Variants in PLCXD3 observed in about 807,000 individuals in gnomAD.
PLCXD3 encodes PI-PLC X domain-containing protein 3.
PLCXD3 carries 19 observed loss-of-function variants against 25.5 expected under a neutral mutation model. The ratio of observed to expected loss-of-function variants is 0.75; its 90% CI spans 0.52 to 1.09. PLCXD3 has a LOEUF of 1.09. Among genes scored for constraint, PLCXD3 ranks in the 50% least tolerant of loss-of-function variants. The pLI is 0.00. For synonymous variants in PLCXD3, 174 were observed against 137.6 expected (o/e 1.26, Z -1.85); for missense variants, 411 against 388.1 (o/e 1.06, Z -0.50).
Position 41,400,049 on chromosome 5 carries a change from AAAAGAAGGCATAC to A in PLCXD3, c.104-17528_104-17516del, listed in dbSNP as rs1229995072. Among the ~76,000 whole-genome samples the A allele has an allele frequency of 7.2e-5, 11 of 152,306 alleles. No homozygotes were observed. In the East Asian group the frequency reaches 2.1e-3, roughly 29 times the overall value. On this transcript the variant is annotated intron_variant, in intron 1 of 2. Coordinates refer to ENST00000377801, the MANE Select transcript of PLCXD3 (RefSeq NM_001005473.3). Reference sequence around the variant, plus strand: ...CAAAAGAGCTGAATAGACACTTCTCAAAAGAAGGCATACAAAGACAAACAGGCATGTGAACAGA... The same window carrying A: ...CAAAAGAGCTGAATAGACACTTCTCAAAAGACAAACAGGCATGTGAACAGA...
intron 1 of PLCXD3, among the ~76,000 whole-genome samples, chr5:41,484,565 T>G (rs897371913): frequency 1.3e-5 from 2 of 152,140 alleles, no homozygotes; most frequent in African/African-American, 4.8e-5. Context: ...ATAAAATATC[T>G]AAATGGTAAG....
chr5:41,416,913 A>G (rs1434244688), intron 1 of PLCXD3, among the ~76,000 whole-genome samples: 1 of 152,180 alleles, frequency 6.6e-6, no homozygotes, highest in Non-Finnish European at 1.5e-5. Flanking sequence ...ACCAGGAATG[A>G]GATACCAATT....
chr5:41,425,605 C>T (rs897067759), intron 1 of PLCXD3, among the ~76,000 whole-genome samples: 23 of 152,102 alleles, frequency 1.5e-4, no homozygotes, highest in African/African-American at 5.6e-4. Flanking sequence ...GTTTTACTGC[C>T]CTAAAAATCC....
At chr5:41,315,394 G>A (rs116137126) in intron 2 of PLCXD3, among the ~76,000 whole-genome samples, 220 of 151,582 alleles carry the variant, frequency 1.5e-3, no homozygotes, top group African/African-American at 5.2e-3. Flanking sequence ...AGGTAAGGTA[G>A]TTTTGAAAGA....
intron 1 of PLCXD3, among the ~76,000 whole-genome samples, chr5:41,509,577 TC>T (rs1738985930): frequency 6.6e-6 from 1 of 152,208 alleles, no homozygotes; most frequent in Admixed American, 6.5e-5. Flanking sequence ...CTTCTTTCCT[TC>T]TAGACTGTCT....
In PLCXD3 at chr5:41,308,808, G is replaced by T. The variant is rs1561226329; in HGVS notation, c.*4809C>A. The T allele has an allele frequency of 1.3e-5, 2 of 152,342 alleles. No individual in the cohort carries two copies. Among genetic ancestry groups the T allele is most frequent in the East Asian group, 1.9e-4 (1 of 5,186 alleles). The allele number at this position is 152,342 out of a possible 1,614,324, so 9.4% of individuals were successfully genotyped here. ...GAAGGTCAACTTTAAAGGTGTACTG[G>T]TTCTATTGTTGATGAAAACAAATTA... On this transcript the variant is annotated 3_prime_UTR_variant, in exon 3 of 3. Coordinates refer to ENST00000377801, the MANE Select transcript of PLCXD3 (RefSeq NM_001005473.3).
At chr5:41,434,188 G>A (rs1296377894) in intron 1 of PLCXD3, among the ~76,000 whole-genome samples, 3 of 152,136 alleles carry the variant, frequency 2.0e-5, no homozygotes, top group Non-Finnish European at 4.4e-5. Flanking sequence ...TTGCCCTGTT[G>A]GCTGCTACGC....
chr5:41,366,381 A>G (rs551067496), intron 2 of PLCXD3, among the ~76,000 whole-genome samples: 2 of 152,338 alleles, frequency 1.3e-5, no homozygotes, highest in South Asian at 4.1e-4. Context: ...GTCTCCTAGG[A>G]CAATCATGAA....
Position 41,496,015 on chromosome 5 carries a change from C to CA in PLCXD3, c.103+14408dup, listed in dbSNP as rs1191259377. Among the ~76,000 whole-genome samples, 4 of 151,926 alleles carry CA rather than the reference C, an allele frequency of 2.6e-5. No homozygotes were observed. The East Asian group carries it at 5.8e-4, about 22-fold the overall frequency. Reference sequence around the variant, plus strand: ...TATATACAAAAAATAAAAACTTCATCAAACAGAAAATATTTTAAAATAACA... The same window carrying CA: ...TATATACAAAAAATAAAAACTTCATCAAAACAGAAAATATTTTAAAATAACA... On this transcript the variant is annotated intron_variant, in intron 1 of 2. Transcript: ENST00000377801.
intron 1 of PLCXD3, among the ~76,000 whole-genome samples, chr5:41,482,063 C>T (rs1748426004): frequency 6.6e-6 from 1 of 151,784 alleles, no homozygotes; most frequent in Non-Finnish European, 1.5e-5. Context: ...TGAAGTTCTT[C>T]AAGATAACTT....
intron 1 of PLCXD3, among the ~76,000 whole-genome samples, chr5:41,428,326 C>G (rs1342561806): frequency 1.3e-5 from 2 of 151,810 alleles, no homozygotes; most frequent in Non-Finnish European, 2.9e-5. Flanking sequence ...GCCCTAACCC[C>G]CAGTACCTCA....
intron 1 of PLCXD3, among the ~76,000 whole-genome samples, chr5:41,412,378 A>T (rs955558022): frequency 6.6e-6 from 1 of 152,166 alleles, no homozygotes; most frequent in Non-Finnish European, 1.5e-5. Flanking sequence ...ATTATACCGA[A>T]ATGAAACTCT....
At chr5:41,327,380 A>C (rs1433597487) in intron 2 of PLCXD3, among the ~76,000 whole-genome samples, 1 of 151,426 alleles carries the variant, frequency 6.6e-6, no homozygotes, top group Non-Finnish European at 1.5e-5. Flanking sequence ...CCAATTAAAG[A>C]AATTTTTAAA....
At chr5:41,369,824 T>C (rs1745041599) in intron 2 of PLCXD3, among the ~76,000 whole-genome samples, 1 of 152,188 alleles carries the variant, frequency 6.6e-6, no homozygotes, top group Non-Finnish European at 1.5e-5. Context: ...TTTTGACTGG[T>C]TAATTTTTGA....
chr5:41,419,991 T>C (rs1202827329), intron 1 of PLCXD3, among the ~76,000 whole-genome samples: 2 of 152,220 alleles, frequency 1.3e-5, no homozygotes, highest in Admixed American at 6.5e-5. Context: ...GTCTTTCCTT[T>C]TTCCCATTTC....
chr5:41,386,756 A>G (rs1745648704), intron 1 of PLCXD3, among the ~76,000 whole-genome samples: 1 of 152,112 alleles, frequency 6.6e-6, no homozygotes, highest in Admixed American at 6.6e-5. Flanking sequence ...TGGTATAAAC[A>G]TCAATTTAAA....
chr5:41,345,367 A>G (rs562876887), intron 2 of PLCXD3, among the ~76,000 whole-genome samples: 3 of 152,176 alleles, frequency 2.0e-5, no homozygotes, highest in Non-Finnish European at 4.4e-5. Context: ...TCAGTGGCAA[A>G]GATGAAATTG....
At position 41,310,471 on chromosome 5, in the gene PLCXD3, G is replaced by C. The variant is rs1255751032; in HGVS notation, c.*3146C>G. The C allele has an allele frequency of 6.6e-6, 1 of 152,308 alleles. No individual in the cohort carries two copies. Among genetic ancestry groups the C allele is most frequent in the Non-Finnish European group, 1.5e-5 (1 of 68,000 alleles). 9.4% of individuals were successfully genotyped at this position (152,308 alleles called of 1,614,324 possible). A position where few individuals can be genotyped will look rare whatever the true frequency, so the allele number is the denominator to read the frequency against. ...ACAAGTAAAACAAAAAGTGCACCAA[G>C]GTGTATCTACCACCATCTTGGCGCC... On this transcript the variant is annotated 3_prime_UTR_variant, in exon 3 of 3. Coordinates refer to ENST00000377801, the MANE Select transcript of PLCXD3 (RefSeq NM_001005473.3).
At chr5:41,368,326 A>G (rs1384957064) in intron 2 of PLCXD3, among the ~76,000 whole-genome samples, 1 of 152,146 alleles carries the variant, frequency 6.6e-6, no homozygotes, top group Non-Finnish European at 1.5e-5. Flanking sequence ...CAAATTCACT[A>G]TGAGCTACTT....
Sources: allele counts gnomAD v4.1 joint callset (sites outside exome capture counted in the v4.1 genomes callset), GRCh38; gene constraint gnomAD v4.1.1; transcripts MANE v1.5; gene names NCBI Gene and HGNC (gene_info 2026-07-23, HGNC 2026-07-21).